Variants in POLGARF observed in about 807,000 individuals in gnomAD.
POLGARF encodes POLG alternative reading frame.
chr15:89,333,543 T>C, the POLGARF span: 7 of 1,612,662 alleles, frequency 4.3e-6, no homozygotes, highest in Non-Finnish European at 5.9e-6. Flanking sequence ...CAATGGGTTG[T>C]GCCGCAGCTG....
At chr15:89,333,079 A>T in the POLGARF span, 1 of 1,510,132 alleles carries the variant, frequency 6.6e-7, no homozygotes, top group Non-Finnish European at 8.9e-7. Context: ...TATGTCCCCA[A>T]CCCTGCCCCT....
the POLGARF span, among the ~76,000 whole-genome samples, chr15:89,331,393 C>T: frequency 6.6e-6 from 1 of 151,944 alleles, no homozygotes; most frequent in Non-Finnish European, 1.5e-5. Flanking sequence ...ATGGTGGTAA[C>T]AGGAACTTTG....
At chr15:89,333,243 C>T in the POLGARF span, 1 of 1,576,682 alleles carries the variant, frequency 6.3e-7, no homozygotes, top group Non-Finnish European at 8.6e-7. Flanking sequence ...GCCCTCCGCC[C>T]AGGCCCAAGC....
At chr15:89,330,895 G>A in the POLGARF span, among the ~76,000 whole-genome samples, 1 of 150,856 alleles carries the variant, frequency 6.6e-6, no homozygotes, top group East Asian at 2.0e-4. Flanking sequence ...GTATGTGTAT[G>A]TGACAGGGTT....
the POLGARF span, chr15:89,333,696 G>A: frequency 6.5e-7 from 1 of 1,541,852 alleles, no homozygotes; most frequent in Non-Finnish European, 8.7e-7. Flanking sequence ...CCCCGGAGCT[G>A]GAACCGGCCC....
At chr15:89,331,258 C>T in the POLGARF span, among the ~76,000 whole-genome samples, 6,463 of 152,270 alleles carry the variant, frequency 0.042, 451 homozygotes, top group African/African-American at 0.15. Context: ...AACTCATACT[C>T]CAAATGGTGA....
chr15:89,333,218 G>C, the POLGARF span: 1 of 1,579,214 alleles, frequency 6.3e-7, no homozygotes, highest in South Asian at 1.1e-5. Context: ...CCCCCTCGGG[G>C]CCGTACCGGG....
chr15:89,333,563 C>T, the POLGARF span: 1 of 1,611,132 alleles, frequency 6.2e-7, no homozygotes, highest in Non-Finnish European at 8.5e-7. Context: ...GCCCGCCCTC[C>T]GAGGATAGCA....
the POLGARF span, among the ~76,000 whole-genome samples, chr15:89,332,734 T>G: frequency 4.3e-3 from 648 of 152,242 alleles, 4 homozygotes; most frequent in South Asian, 7.2e-3. Flanking sequence ...GCTCCCCAAA[T>G]AGAAACACTG....
the POLGARF span, chr15:89,333,358 C>A: frequency 6.4e-7 from 1 of 1,572,486 alleles, no homozygotes; most frequent in Non-Finnish European, 8.6e-7. Context: ...TCCAGGTTGT[C>A]CCCGTAGAGG....
the POLGARF span, chr15:89,330,270 G>A: frequency 6.2e-7 from 1 of 1,610,628 alleles, no homozygotes; most frequent in Admixed American, 1.7e-5. Context: ...GGCTGCACCA[G>A]GAATACCTGA....
At chr15:89,333,537 G>C in the POLGARF span, 1 of 1,612,754 alleles carries the variant, frequency 6.2e-7, no homozygotes, top group Admixed American at 1.7e-5. Context: ...GATGTCCAAT[G>C]GGTTGTGCCG....
the POLGARF span, chr15:89,332,962 G>C: frequency 8.3e-7 from 1 of 1,206,268 alleles, no homozygotes; most frequent in South Asian, 2.0e-5. Context: ...CAGGGGTCTA[G>C]TCCTAATTCA....
chr15:89,333,662 G>A, the POLGARF span: 5 of 1,566,148 alleles, frequency 3.2e-6, no homozygotes, highest in Non-Finnish European at 4.3e-6. Context: ...GGTCGGACGC[G>A]GGGACGGAGC....
the POLGARF span, among the ~76,000 whole-genome samples, chr15:89,331,199 T>C: frequency 6.6e-6 from 1 of 152,120 alleles, no homozygotes; most frequent in South Asian, 2.1e-4. Context: ...CTAACTTCTT[T>C]CAAAGAGAAA....
At chr15:89,333,443 G>T in the POLGARF span, 2 of 1,609,792 alleles carry the variant, frequency 1.2e-6, no homozygotes, top group Non-Finnish European at 8.5e-7. Flanking sequence ...GCAGGTGCTC[G>T]ACGCTGCGGC....
chr15:89,330,894 T>C, the POLGARF span, among the ~76,000 whole-genome samples: 1 of 150,120 alleles, frequency 6.7e-6, no homozygotes, highest in Non-Finnish European at 1.5e-5. Flanking sequence ...TGTATGTGTA[T>C]GTGACAGGGT....
chr15:89,330,746 T>C, the POLGARF span, among the ~76,000 whole-genome samples: 1 of 109,998 alleles, frequency 9.1e-6, no homozygotes, highest in Non-Finnish European at 1.8e-5. Flanking sequence ...AAAAAAAAAA[T>C]GACAAATGCT....
the POLGARF span, chr15:89,333,182 C>T: frequency 6.4e-7 from 1 of 1,568,900 alleles, no homozygotes; most frequent in Non-Finnish European, 8.7e-7. Flanking sequence ...GGGCCCGCTC[C>T]TCGGGGATGG....
Sources: gnomAD v4.1 joint callset for allele counts (sites outside exome capture counted in the v4.1 genomes callset) on GRCh38, gnomAD v4.1.1 for gene constraint, MANE v1.5 for transcripts, NCBI Gene and HGNC (gene_info 2026-07-23, HGNC 2026-07-21) for gene names.